Variants in KIF18B observed in about 807,000 individuals in gnomAD.
The protein encoded by KIF18B is kinesin-like protein KIF18B.
Under a neutral mutation model 80.9 loss-of-function variants are expected in KIF18B, and 49 were observed. The observed-to-expected ratio is 0.61, with a 90% CI of 0.48 to 0.77. The LOEUF is 0.77. KIF18B is among the 30% of genes least tolerant of loss of function. The pLI is 0.00. For missense variants in KIF18B, 994 were observed against 1,127.7 expected (o/e 0.88, Z 1.70); for synonymous variants, 439 against 463.9 (o/e 0.95, Z 0.69).
intron 1 of KIF18B, among the ~76,000 whole-genome samples, chr17:44,943,510 G>A (rs544975143): frequency 6.6e-6 from 1 of 151,816 alleles, no homozygotes; most frequent in Non-Finnish European, 1.5e-5. Flanking sequence ...TACATTTCTG[G>A]TTAGGACCTC....
At chr17:44,931,791 A>C (rs952462793) in intron 10 of KIF18B, 62 bp from the exon 11 acceptor site, 3 of 1,580,380 alleles carry the variant, frequency 1.9e-6, no homozygotes, top group Non-Finnish European at 2.6e-6. Context: ...CTTTATAAAC[A>C]GCTTCTAAAA....
chr17:44,943,899 T>G lies in KIF18B; in HGVS notation c.-15+3729A>C, dbSNP rs553622005. On this transcript the variant is annotated intron_variant, in intron 1 of 15. Coordinates refer to ENST00000593135, the MANE Select transcript of KIF18B (RefSeq NM_001265577.2). ...CCCTGGCTAATTTTTAATTTTTTTG[T>G]AGAAATGATGTCTCACTATGCCGCC... is the stretch of plus-strand genomic sequence containing the variant. 3.9e-5 allele frequency among the ~76,000 whole-genome samples: 6 copies of G among 152,252 alleles called. No individual in the cohort carries two copies. In the South Asian group the frequency reaches 1.0e-3, roughly 26 times the overall value.
intron 1 of KIF18B, among the ~76,000 whole-genome samples, chr17:44,943,293 G>A (rs2052452991): frequency 6.6e-6 from 1 of 151,882 alleles, no homozygotes; most frequent in African/African-American, 2.4e-5. Flanking sequence ...GTAGAGGCGG[G>A]GTTTCACCGT....
At chr17:44,942,492 C>T (rs1397557870) in intron 1 of KIF18B, among the ~76,000 whole-genome samples, 2 of 152,216 alleles carry the variant, frequency 1.3e-5, no homozygotes, top group Non-Finnish European at 2.9e-5. Context: ...AGCTGAGGAA[C>T]GTAGTAGGGG....
At position 44,939,174 on chromosome 17, in the gene KIF18B, C is replaced by A. The variant is rs112625908; in HGVS notation, c.-14-2816G>T. Among the ~76,000 whole-genome samples, 440 of 151,710 alleles carry A rather than the reference C, an allele frequency of 2.9e-3. 2 individuals are homozygous for A. Among genetic ancestry groups the A allele is most frequent in the African/African-American group, 1.0e-2 (412 of 41,362 alleles). On this transcript the variant is annotated intron_variant, in intron 1 of 15. Coordinates refer to ENST00000593135, the MANE Select transcript of KIF18B (RefSeq NM_001265577.2). ...TCACCTGAGGTCAGGAGTTTGAGAC[C>A]AGCCTGGCCAACATGGTGAAACCCT...
At chr17:44,938,204 C>G (rs191935552) in intron 1 of KIF18B, among the ~76,000 whole-genome samples, 1 of 152,136 alleles carries the variant, frequency 6.6e-6, no homozygotes, top group African/African-American at 2.4e-5. Context: ...TTAGTAGAGA[C>G]GGGGTTTTGC....
At position 44,934,466 on chromosome 17, in the gene KIF18B, C is replaced by G. The variant is rs765990846; in HGVS notation, c.688-36G>C. On this transcript the variant is annotated intron_variant, in intron 5 of 15. Coordinates refer to ENST00000593135, the MANE Select transcript of KIF18B (RefSeq NM_001265577.2). The surrounding 1 kb of genome is among the most constrained non-coding windows in gnomAD (Gnocchi z 5.4). ...ATGGCAGGGGTGAGGGGGAGATGGG[C>G]ATCAGGGGCACTGGTTTCAGGCTCT... 6.1e-5 allele frequency: 98 copies of G among 1,603,972 alleles called. No homozygotes were observed. In the Middle Eastern group the frequency reaches 1.7e-3, roughly 27 times the overall value.
chr17:44,937,012 C>CTT (rs550987711), intron 1 of KIF18B, among the ~76,000 whole-genome samples: 20 of 144,148 alleles, frequency 1.4e-4, no homozygotes, highest in Non-Finnish European at 2.1e-4. Flanking sequence ...TTTGTCTATT[C>CTT]TTTTTTTTTT....
rs114378465 is a variant in KIF18B at position 44,935,020 on chromosome 17, C to T, written c.472-85G>A. 1.1e-3 allele frequency: 1,111 copies of T among 1,044,086 alleles called. 6 individuals carry two copies. The African/African-American group carries it at 0.016, about 15-fold the overall frequency. The allele number at this position is 1,044,086 out of a possible 1,614,324, so 64.7% of individuals were successfully genotyped here. On this transcript the variant is annotated intron_variant, in intron 3 of 15. Coordinates refer to ENST00000593135, the MANE Select transcript of KIF18B (RefSeq NM_001265577.2). ...TAGCGGCTGGACAGGGGAGCTGAGG[C>T]CGGGATGTATCTGAGACACCCACAG...
At position 44,928,365 on chromosome 17, in the gene KIF18B, C is replaced by T. The variant is rs2052074842; in HGVS notation, c.1937G>A (p.Gly646Asp). 1.3e-6 allele frequency: 2 copies of T among 1,593,872 alleles called. No individual in the cohort carries two copies. The highest frequency in any genetic ancestry group is 1.3e-5 in the African/African-American group (1 of 74,646). The change falls in exon 13 of 16, where the codon GGC becomes GAC. Residue 646 changes from glycine to aspartate, a missense_variant. Coordinates refer to ENST00000593135, the MANE Select transcript of KIF18B (RefSeq NM_001265577.2). ...EADSPMAPKR[G>D]TKRQRQSFLP... ...GAAGGACTGGCGCTGGCGCTTGGTG[C>T]CCCGCTTTGGGGCCATGGGACTGTC...
At chr17:44,931,815 C>G (rs1284453810) in intron 10 of KIF18B, 86 bp from the exon 11 acceptor site, 4 of 1,534,452 alleles carry the variant, frequency 2.6e-6, no homozygotes, top group Non-Finnish European at 3.5e-6. Context: ...TTCCCTCCTA[C>G]AAGAGTGGAA....
At chr17:44,945,272 G>T (rs1597900594) in intron 1 of KIF18B, among the ~76,000 whole-genome samples, 1 of 152,276 alleles carries the variant, frequency 6.6e-6, no homozygotes. Context: ...TATTGCCCAG[G>T]CTGGTCTTGA....
At chr17:44,946,087 G>A (rs1397577551) in intron 1 of KIF18B, among the ~76,000 whole-genome samples, 3 of 151,426 alleles carry the variant, frequency 2.0e-5, no homozygotes, top group African/African-American at 7.3e-5. Flanking sequence ...TGTAAATGTG[G>A]TATTTATAAC....
At chr17:44,937,308 C>G (rs994855809) in intron 1 of KIF18B, among the ~76,000 whole-genome samples, 1 of 152,122 alleles carries the variant, frequency 6.6e-6, no homozygotes, top group South Asian at 2.1e-4. Context: ...TTATACTGAG[C>G]CTTTTATTTT....
intron 1 of KIF18B, among the ~76,000 whole-genome samples, chr17:44,936,615 T>C (rs2052309131): frequency 1.1e-5 from 1 of 90,786 alleles, no homozygotes; most frequent in Non-Finnish European, 2.2e-5. Context: ...TATATATATA[T>C]ATATATATAT....
chr17:44,927,110 C>T lies in KIF18B; in HGVS notation c.2277-32G>A, dbSNP rs1426071824. Reference sequence around the variant, plus strand: ...AGGGAGGACAGGGAAGGAGGCTGATCAGCAGGGAACCGGAAGCAAGGCCAG... The same window carrying T: ...AGGGAGGACAGGGAAGGAGGCTGATTAGCAGGGAACCGGAAGCAAGGCCAG... On this transcript the variant is annotated intron_variant, in intron 13 of 15. Transcript: ENST00000593135. This position sits in a 1 kb window ranked among gnomAD's most constrained non-coding sequence, Gnocchi z 4.1. 4.5e-6 allele frequency: 7 copies of T among 1,540,634 alleles called. No individual in the cohort carries two copies. The South Asian group carries it at 8.4e-5, about 18-fold the overall frequency.
At chr17:44,937,009 ATTC>A (rs1226369360) in intron 1 of KIF18B, among the ~76,000 whole-genome samples, 16 of 141,370 alleles carry the variant, frequency 1.1e-4, no homozygotes, top group East Asian at 6.0e-4. Flanking sequence ...CCATTTGTCT[ATTC>A]TTTTTTTTTT....
chr17:44,935,126 C>T (rs948206413), intron 3 of KIF18B, 133 bp downstream of exon 3: 6 of 981,924 alleles, frequency 6.1e-6, no homozygotes, highest in Non-Finnish European at 7.4e-6. Flanking sequence ...TCTCACTGAG[C>T]AGTATCTATC....
Position 44,932,215 on chromosome 17 carries a change from G to T in KIF18B, c.1239-9C>A. 6.3e-7 allele frequency: 1 copy of T among 1,576,678 alleles called. No homozygotes were observed. The highest frequency in any genetic ancestry group is 8.6e-7 in the Non-Finnish European group (1 of 1,159,030). On this transcript the variant is annotated splice_polypyrimidine_tract_variant and intron_variant, in intron 9 of 15. Coordinates refer to ENST00000593135, the MANE Select transcript of KIF18B (RefSeq NM_001265577.2). ...CTGGGGTGCAGGGCTGGCTGGGAGG[G>T]TGGGGTGGCAAGGGGGAGCTGGGAA...
Sources: allele counts gnomAD v4.1 joint callset (sites outside exome capture counted in the v4.1 genomes callset), GRCh38; gene constraint gnomAD v4.1.1; non-coding constraint Gnocchi (gnomAD v3.1); transcripts MANE v1.5; gene names NCBI Gene and HGNC (gene_info 2026-07-23, HGNC 2026-07-21).